Variants in TMPRSS15 observed in about 807,000 individuals in gnomAD.
TMPRSS15 encodes transmembrane serine protease 15.
Under a neutral mutation model 125.3 loss-of-function variants are expected in TMPRSS15, and 128 were observed. The ratio of observed to expected loss-of-function variants is 1.02; its 90% CI spans 0.89 to 1.18. The LOEUF is 1.18. Among genes scored for constraint, TMPRSS15 ranks in the 50% most tolerant of loss-of-function variants. TMPRSS15 has a pLI of 0.00. For missense variants in TMPRSS15, 1,283 were observed against 1,212.7 expected (o/e 1.06, Z -0.86); for synonymous variants, 446 against 423.2 (o/e 1.05, Z -0.66).
At chr21:18,471,065 A>G (rs1025653086) in intron 1 of TMPRSS15, among the ~76,000 whole-genome samples, 3 of 152,056 alleles carry the variant, frequency 2.0e-5, no homozygotes, top group African/African-American at 7.2e-5. Flanking sequence ...ACCATTTTAT[A>G]CTGTGAAACA....
intron 6 of TMPRSS15, among the ~76,000 whole-genome samples, chr21:18,367,477 C>G (rs2824776): frequency 0.26 from 39,168 of 152,094 alleles, 5,229 homozygotes; most frequent in Middle Eastern, 0.3. Context: ...TAATGCCTTA[C>G]ATTCAAAGAC....
chr21:18,324,152 A>G (rs1170068166), intron 16 of TMPRSS15, among the ~76,000 whole-genome samples: 1 of 152,104 alleles, frequency 6.6e-6, no homozygotes, highest in Non-Finnish European at 1.5e-5. Flanking sequence ...TCAGATCCAG[A>G]AAGCGTATAA....
chr21:18,334,712 G>A (rs2075375190), intron 13 of TMPRSS15, among the ~76,000 whole-genome samples: 1 of 152,160 alleles, frequency 6.6e-6, no homozygotes, highest in African/African-American at 2.4e-5. Context: ...CAGCCACCTA[G>A]TGTCAAAGTC....
At chr21:18,310,933 C>A (rs1203296281) in intron 18 of TMPRSS15, among the ~76,000 whole-genome samples, 1 of 136,870 alleles carries the variant, frequency 7.3e-6, no homozygotes, top group Non-Finnish European at 1.6e-5. Context: ...CCCACTGATT[C>A]TTTTTTTTTT....
chr21:18,409,157 G>T (rs1285806720), intron 1 of TMPRSS15, among the ~76,000 whole-genome samples: 2 of 149,280 alleles, frequency 1.3e-5, no homozygotes, highest in Non-Finnish European at 3.0e-5. Context: ...TTAATAGTGT[G>T]TTTTTTTTTC....
chr21:18,389,853 G>C (rs1234606768), intron 3 of TMPRSS15, among the ~76,000 whole-genome samples: 1 of 152,060 alleles, frequency 6.6e-6, no homozygotes, highest in Non-Finnish European at 1.5e-5. Context: ...TTTGTCCTTA[G>C]GATCTTTGAT....
At chr21:18,441,645 T>G (rs1314092062) in intron 1 of TMPRSS15, among the ~76,000 whole-genome samples, 1 of 147,050 alleles carries the variant, frequency 6.8e-6, no homozygotes, top group African/African-American at 2.5e-5. Context: ...AAAAGAAGAT[T>G]GTCAACTTTA....
chr21:18,394,080 T>C (rs1336273430), intron 3 of TMPRSS15, among the ~76,000 whole-genome samples: 1 of 152,156 alleles, frequency 6.6e-6, no homozygotes, highest in Non-Finnish European at 1.5e-5. Flanking sequence ...TTTGCTTCAG[T>C]TTTCCAGTAT....
chr21:18,357,783 G>A (rs1391374793), intron 8 of TMPRSS15, among the ~76,000 whole-genome samples: 2 of 151,660 alleles, frequency 1.3e-5, no homozygotes, highest in African/African-American at 4.8e-5. Flanking sequence ...CCCAGTTGGT[G>A]TAAATTCAAA....
At chr21:18,419,848 T>C (rs75654447) in intron 1 of TMPRSS15, among the ~76,000 whole-genome samples, 108 of 152,264 alleles carry the variant, frequency 7.1e-4, no homozygotes, top group African/African-American at 2.5e-3. Flanking sequence ...GGTTATGTCT[T>C]TTTTCCCCCT....
At chr21:18,416,442 T>C (rs959630057) in intron 1 of TMPRSS15, among the ~76,000 whole-genome samples, 5 of 152,046 alleles carry the variant, frequency 3.3e-5, no homozygotes, top group Non-Finnish European at 7.4e-5. Context: ...AAATTCATAT[T>C]ATCCTTATAT....
At chr21:18,400,793 A>G (rs141709618) in intron 1 of TMPRSS15, among the ~76,000 whole-genome samples, 87 of 152,220 alleles carry the variant, frequency 5.7e-4, no homozygotes, top group Admixed American at 1.5e-3. Context: ...TCAACATACA[A>G]CCTATGGAAT....
intron 1 of TMPRSS15, among the ~76,000 whole-genome samples, chr21:18,435,455 C>A (rs1436521271): frequency 6.6e-6 from 1 of 152,096 alleles, no homozygotes; most frequent in Admixed American, 6.6e-5. Flanking sequence ...GTATATTGAA[C>A]CAGTCTTGCA....
intron 1 of TMPRSS15, among the ~76,000 whole-genome samples, chr21:18,476,209 T>C (rs148867053): frequency 8.3e-4 from 127 of 152,292 alleles, no homozygotes; most frequent in African/African-American, 2.8e-3. Context: ...ACAGCTGACT[T>C]AGGGCTTTAG....
At chr21:18,413,342 T>TCCTTCCTTCCTC in intron 1 of TMPRSS15, among the ~76,000 whole-genome samples, 1 of 142,698 alleles carries the variant, frequency 7.0e-6, no homozygotes, top group Non-Finnish European at 1.5e-5. Flanking sequence ...CTTCCTTCCT[T>TCCTTCCTTCCTC]CCTTCCTTCC....
intron 1 of TMPRSS15, among the ~76,000 whole-genome samples, chr21:18,423,416 T>G (rs1255787920): frequency 6.6e-6 from 1 of 150,784 alleles, no homozygotes; most frequent in Non-Finnish European, 1.5e-5. Flanking sequence ...ATTCTTTTTT[T>G]TTTTTTTTTT....
rs1449042866 is a variant in TMPRSS15 at position 18,326,477 on chromosome 21, C to T, written c.1876G>A (p.Gly626Arg). The T allele has an allele frequency of 2.5e-6, 4 of 1,614,148 alleles. No homozygotes were observed. The highest frequency in any genetic ancestry group is 3.4e-6 in the Non-Finnish European group (4 of 1,180,008). ...CCAGTAGTAAAGTTTGCTTTAAACC[C>T]TCCTCTTGCCAACACATCGTTAGTG... ...LITNDVLARG[G>R]FKANFTTGYH... The change falls in exon 16 of 25, where the codon GGG becomes AGG. Residue 626 changes from glycine (G) to arginine (R), a missense_variant. By Grantham distance (125) the Gly-to-Arg change is moderately radical. Transcript: ENST00000284885.
At chr21:18,313,553 A>C (rs192467082) in intron 17 of TMPRSS15, among the ~76,000 whole-genome samples, 2 of 151,890 alleles carry the variant, frequency 1.3e-5, no homozygotes, top group Non-Finnish European at 2.9e-5. Context: ...TAGATTACAC[A>C]TGTGGTCATT....
At chr21:18,408,270 T>C (rs534528892), upstream of TMPRSS15, among the ~76,000 whole-genome samples, 1 of 152,282 alleles carries the variant, frequency 6.6e-6, no homozygotes, top group South Asian at 2.1e-4. Flanking sequence ...ATTAAAGCCA[T>C]GAACACTTCT....
Sources: gnomAD v4.1 joint callset for allele counts (sites outside exome capture counted in the v4.1 genomes callset) on GRCh38, gnomAD v4.1.1 for gene constraint, MANE v1.5 for transcripts, NCBI Gene and HGNC (gene_info 2026-07-23, HGNC 2026-07-21) for gene names.